The following KCNMA1 variants were observed in gnomAD, a reference collection of about 807,000 sequenced individuals.
KCNMA1 encodes the protein Calcium-activated potassium channel subunit alpha-1.
A neutral mutation model predicts 140.0 loss-of-function variants in KCNMA1; 29 were observed. The observed-to-expected ratio is 0.21, with a 90% CI of 0.15 to 0.28. KCNMA1 has a LOEUF of 0.28. Among genes scored for constraint, KCNMA1 ranks in the 10% least tolerant of loss-of-function variants. KCNMA1 has a pLI of 1.00. For missense variants in KCNMA1, 880 were observed against 1,602.2 expected (o/e 0.55, Z 7.70); for synonymous variants, 612 against 611.9 (o/e 1.00, Z 0.00).
chr10:77,417,366 C>T (rs763160531), intron 1 of KCNMA1, among the ~76,000 whole-genome samples: 23 of 152,156 alleles, frequency 1.5e-4, no homozygotes, highest in South Asian at 6.2e-4. Context: ...TTAACAGACA[C>T]GTACCGATTG....
intron 6 of KCNMA1, among the ~76,000 whole-genome samples, chr10:77,115,074 A>C (rs2153903202): frequency 6.6e-6 from 1 of 152,336 alleles, no homozygotes; most frequent in African/African-American, 2.4e-5. Flanking sequence ...TGCTTTATGT[A>C]TACTAAGTCA....
At chr10:77,490,180 C>T (rs942325599) in intron 1 of KCNMA1, among the ~76,000 whole-genome samples, 3 of 152,164 alleles carry the variant, frequency 2.0e-5, no homozygotes, top group Non-Finnish European at 4.4e-5. Flanking sequence ...ATATCTAGGG[C>T]TCCCACCACT....
chr10:77,296,361 G>C (rs1026017049), intron 2 of KCNMA1, among the ~76,000 whole-genome samples: 11 of 152,156 alleles, frequency 7.2e-5, no homozygotes, highest in African/African-American at 2.4e-4. Flanking sequence ...CTCCAGTCCT[G>C]CTGACACTTT....
At chr10:77,634,437 G>A (rs376168045) in intron 1 of KCNMA1, 17 of 985,312 alleles carry the variant, frequency 1.7e-5, no homozygotes, top group South Asian at 4.7e-5. Context: ...GATGTCCCAC[G>A]ATGCATGTCC....
intron 1 of KCNMA1, among the ~76,000 whole-genome samples, chr10:77,427,714 TCC>T (rs1566784961): frequency 4.0e-4 from 42 of 106,120 alleles, no homozygotes; most frequent in African/African-American, 7.0e-4. Flanking sequence ...TGAGCATCCA[TCC>T]ATTCATTTAT....
intron 19 of KCNMA1, among the ~76,000 whole-genome samples, chr10:76,993,919 C>T (rs901847847): frequency 1.3e-5 from 2 of 152,172 alleles, no homozygotes; most frequent in African/African-American, 4.8e-5. Context: ...TGCAGGAGGC[C>T]CCCCCAGGAC....
intron 5 of KCNMA1, among the ~76,000 whole-genome samples, chr10:77,144,569 A>T (rs72805549): frequency 6.6e-6 from 1 of 152,202 alleles, no homozygotes; most frequent in Non-Finnish European, 1.5e-5. Flanking sequence ...GGATCTATGC[A>T]TTTTATTGCA....
At chr10:77,008,343 C>T (rs1431743226) in intron 18 of KCNMA1, 1 of 663,784 alleles carries the variant, frequency 1.5e-6, no homozygotes, top group East Asian at 2.9e-5. Context: ...TAGGAGTCCA[C>T]ACTTTGGCAA....
intron 5 of KCNMA1, among the ~76,000 whole-genome samples, chr10:77,175,310 C>T (rs2098743312): frequency 6.6e-6 from 1 of 152,186 alleles, no homozygotes; most frequent in Non-Finnish European, 1.5e-5. Flanking sequence ...TAAACTTGGG[C>T]TATGAATATT....
chr10:77,009,405 G>A (rs560115051), intron 18 of KCNMA1, among the ~76,000 whole-genome samples: 3 of 152,192 alleles, frequency 2.0e-5, no homozygotes, highest in Admixed American at 1.3e-4. Context: ...TTATTTCTAG[G>A]GACAATTTAG....
intron 23 of KCNMA1, among the ~76,000 whole-genome samples, chr10:76,918,399 T>G (rs922963990): frequency 6.6e-6 from 1 of 152,210 alleles, no homozygotes; most frequent in African/African-American, 2.4e-5. Flanking sequence ...TCCTGATTCT[T>G]TAGCCATGTA....
intron 29 of KCNMA1, among the ~76,000 whole-genome samples, chr10:76,878,060 C>A (rs545478388): frequency 6.6e-6 from 1 of 152,028 alleles, no homozygotes; most frequent in Non-Finnish European, 1.5e-5. Flanking sequence ...GACCCCAGAA[C>A]CTGAAATATA....
At chr10:77,217,782 T>C (rs1344769017) in intron 3 of KCNMA1, among the ~76,000 whole-genome samples, 2 of 151,904 alleles carry the variant, frequency 1.3e-5, no homozygotes, top group South Asian at 2.1e-4. Context: ...ATCAGAAAAA[T>C]TTATTTGTGC....
In KCNMA1 at chr10:77,448,812, G is replaced by A. The variant is rs189049377; in HGVS notation, c.379-44789C>T. On this transcript the variant is annotated intron_variant, in intron 1 of 27. Coordinates refer to ENST00000286628, the MANE Select transcript of KCNMA1 (RefSeq NM_001161352.2). ...TGTAACAAAATACTACTAACAGGCC[G>A]GGTGCAGTGCTCATGCCTGTAATCC... is the stretch of plus-strand genomic sequence containing the variant. Among the ~76,000 whole-genome samples the A allele has an allele frequency of 4.0e-3, 606 of 152,192 alleles. 8 individuals carry two copies. Among genetic ancestry groups the A allele is most frequent in the African/African-American group, 0.014 (583 of 41,540 alleles).
At chr10:77,414,692 G>A (rs1293170163) in intron 1 of KCNMA1, among the ~76,000 whole-genome samples, 1 of 151,892 alleles carries the variant, frequency 6.6e-6, no homozygotes, top group Non-Finnish European at 1.5e-5. Flanking sequence ...GTTTCAACAT[G>A]TTGGATAGGC....
chr10:77,077,614 T>A (rs1016492464), intron 13 of KCNMA1, among the ~76,000 whole-genome samples: 2 of 152,188 alleles, frequency 1.3e-5, no homozygotes, highest in Non-Finnish European at 2.9e-5. Context: ...CTTCTAAACA[T>A]ACAACATTAA....
intron 2 of KCNMA1, among the ~76,000 whole-genome samples, chr10:77,327,873 T>C (rs1347972359): frequency 6.6e-6 from 1 of 152,212 alleles, no homozygotes; most frequent in South Asian, 2.1e-4. Context: ...CTCTCTCAGT[T>C]TCCTCTACTA....
chr10:77,628,413 T>C (rs2092801337), intron 1 of KCNMA1, among the ~76,000 whole-genome samples: 1 of 152,192 alleles, frequency 6.6e-6, no homozygotes, highest in Non-Finnish European at 1.5e-5. Context: ...CCCAGCACTT[T>C]GGGAGGCCAA....
At chr10:77,463,849 G>C (rs939021637) in intron 1 of KCNMA1, among the ~76,000 whole-genome samples, 1 of 152,172 alleles carries the variant, frequency 6.6e-6, no homozygotes, top group Non-Finnish European at 1.5e-5. Context: ...TTAGTAACAG[G>C]AAGTGGGACA....
Sources: allele counts gnomAD v4.1 joint callset (sites outside exome capture counted in the v4.1 genomes callset), GRCh38; gene constraint gnomAD v4.1.1; transcripts MANE v1.5; gene names NCBI Gene and HGNC (gene_info 2026-07-23, HGNC 2026-07-21).